The following HSD11B1 variants were observed in gnomAD, a reference collection of about 807,000 sequenced individuals.
HSD11B1 encodes the protein 11-beta-hydroxysteroid dehydrogenase 1.
HSD11B1 carries 15 observed loss-of-function variants against 22.1 expected under a neutral mutation model. The observed-to-expected ratio is 0.68, with a 90% CI of 0.45 to 1.04. The LOEUF (loss-of-function observed/expected upper bound fraction) is 1.04. Ranked by LOEUF, HSD11B1 falls within the 50% of genes least tolerant of loss-of-function variation. The pLI is 0.00. For missense variants in HSD11B1, 281 were observed against 357.6 expected (o/e 0.79, Z 1.73); for synonymous variants, 122 against 125.2 (o/e 0.97, Z 0.17).
Position 209,719,085 on chromosome 1 carries a change from C to T in HSD11B1, c.517+11957C>T, listed in dbSNP as rs546114082. 5.1e-4 allele frequency among the ~76,000 whole-genome samples: 77 copies of T among 150,302 alleles called. 1 individual carries two copies. Among genetic ancestry groups the T allele is most frequent in the African/African-American group, 1.8e-3 (74 of 40,918 alleles). On this transcript the variant is annotated intron_variant, in intron 4 of 5. Coordinates refer to ENST00000367027, the MANE Select transcript of HSD11B1 (RefSeq NM_005525.4). ...GGTCTCAAAGAGCTACTTGTATATC[C>T]ATGTTCACAGGAACAGTATTTGTAA...
chr1:209,699,143 C>T (rs1025018849), intron 1 of HSD11B1, among the ~76,000 whole-genome samples: 3 of 148,844 alleles, frequency 2.0e-5, no homozygotes, highest in African/African-American at 7.5e-5. Flanking sequence ...TGTTACTGGA[C>T]AAAATTGCAT....
At chr1:209,726,458 T>C (rs2077003248) in intron 4 of HSD11B1, among the ~76,000 whole-genome samples, 1 of 151,870 alleles carries the variant, frequency 6.6e-6, no homozygotes, top group South Asian at 2.1e-4. Flanking sequence ...AAAAATAAAT[T>C]AGCCAAGCAC....
At chr1:209,695,669 G>T (rs912645724) in intron 1 of HSD11B1, among the ~76,000 whole-genome samples, 2 of 152,098 alleles carry the variant, frequency 1.3e-5, no homozygotes, top group African/African-American at 4.8e-5. Context: ...TTAGCTGGGT[G>T]TGGTGGTGCA....
At position 209,728,276 on chromosome 1, in the gene HSD11B1, T is replaced by C. The variant is rs920406227; in HGVS notation, c.518-4160T>C. On this transcript the variant is annotated intron_variant, in intron 4 of 5. Coordinates refer to ENST00000367027, the MANE Select transcript of HSD11B1 (RefSeq NM_005525.4). ...GAATTTGTTTATTAGAATGGCACTT[T>C]TTTCTCCAAGTAACTAGCTATTTGT... 5.1e-4 allele frequency among the ~76,000 whole-genome samples: 77 copies of C among 152,206 alleles called. 1 individual carries two copies. The highest frequency in any genetic ancestry group is 2.6e-4 in the Admixed American group (4 of 15,274).
chr1:209,695,746 G>A (rs913592628), intron 1 of HSD11B1, among the ~76,000 whole-genome samples: 6 of 152,196 alleles, frequency 3.9e-5, no homozygotes, highest in African/African-American at 7.2e-5. Context: ...GGTGGAGGTT[G>A]TGGTGAGCCA....
At chr1:209,695,979 A>G (rs2076788940) in intron 1 of HSD11B1, among the ~76,000 whole-genome samples, 3 of 152,210 alleles carry the variant, frequency 2.0e-5, no homozygotes, top group Non-Finnish European at 2.9e-5. Context: ...AATGTCTGTG[A>G]ACTGGTGAAT....
chr1:209,726,204 C>G (rs113679065), intron 4 of HSD11B1, among the ~76,000 whole-genome samples: 3 of 137,860 alleles, frequency 2.2e-5, no homozygotes, highest in African/African-American at 8.3e-5. Flanking sequence ...TCACTTGAAC[C>G]CGGGAGGCGT....
chr1:209,690,151 T>C (rs1436810059), intron 1 of HSD11B1, among the ~76,000 whole-genome samples: 3 of 151,770 alleles, frequency 2.0e-5, no homozygotes, highest in African/African-American at 7.3e-5. Flanking sequence ...CCCCAGTCTC[T>C]ACAAATAAAA....
intron 4 of HSD11B1, among the ~76,000 whole-genome samples, chr1:209,714,869 G>A (rs1339199644): frequency 6.6e-6 from 1 of 152,184 alleles, no homozygotes; most frequent in Non-Finnish European, 1.5e-5. Context: ...AGATGAGGAT[G>A]GCATCCTCAC....
At chr1:209,728,623 G>T (rs771393927) in intron 4 of HSD11B1, among the ~76,000 whole-genome samples, 1 of 152,162 alleles carries the variant, frequency 6.6e-6, no homozygotes, top group Non-Finnish European at 1.5e-5. Context: ...TGTAGGGCAG[G>T]CTTCACAGTT....
intron 4 of HSD11B1, among the ~76,000 whole-genome samples, chr1:209,719,515 T>C (rs2076951956): frequency 6.6e-6 from 1 of 152,186 alleles, no homozygotes; most frequent in Non-Finnish European, 1.5e-5. Flanking sequence ...TGGTGATGGT[T>C]GCACAGTAAT....
chr1:209,689,835 T>C (rs1466743764), intron 1 of HSD11B1, among the ~76,000 whole-genome samples: 2 of 152,126 alleles, frequency 1.3e-5, no homozygotes, highest in African/African-American at 2.4e-5. Flanking sequence ...GGGGTTCCTT[T>C]ACAGTAACAC....
chr1:209,728,689 T>A (rs2077018020), intron 4 of HSD11B1, among the ~76,000 whole-genome samples: 1 of 152,222 alleles, frequency 6.6e-6, no homozygotes. Flanking sequence ...CTCTTCCATG[T>A]GTGGCTTCAT....
At chr1:209,708,830 A>G (rs955891617) in intron 4 of HSD11B1, among the ~76,000 whole-genome samples, 18 of 152,294 alleles carry the variant, frequency 1.2e-4, no homozygotes, top group African/African-American at 4.3e-4. Flanking sequence ...GTTTCCCCAT[A>G]TCTCCTACAC....
Position 209,706,953 on chromosome 1 carries a change from C to T in HSD11B1, c.342C>T (p.Asp114=), listed in dbSNP as rs2076863628. The stretch of plus-strand genomic sequence containing the variant: ...AGCCATCTCTTGCAGGAGGACTAGA[C>T]ATGCTCATTCTCAACCACATCACCA... ...AQAGKLMGGL[D]MLILNHITNT... is the part of the protein sequence containing the mutation. Residue 114 remains aspartate, a synonymous_variant, in exon 4 of 6, where the codon GAC becomes GAT. Transcript: ENST00000367027. This position sits in a 1 kb window ranked among gnomAD's most constrained non-coding sequence, Gnocchi z 4.0. 6.2e-7 allele frequency: 1 copy of T among 1,613,870 alleles called. No homozygotes were observed. The highest frequency in any genetic ancestry group is 8.5e-7 in the Non-Finnish European group (1 of 1,179,736).
At chr1:209,692,611 G>GGC (rs1553286715) in intron 1 of HSD11B1, among the ~76,000 whole-genome samples, 41 of 119,182 alleles carry the variant, frequency 3.4e-4, no homozygotes, top group Non-Finnish European at 5.6e-4. Context: ...AAATGGCGGG[G>GGC]GGGGGGGTGG....
Position 209,706,005 on chromosome 1 carries a change from T to C in HSD11B1, c.219+64T>C. 1 of 1,587,766 alleles carries C rather than the reference T, an allele frequency of 6.3e-7. No homozygotes were observed. ...TGCTCAGATGTGTTCTTATATATGC[T>C]CACATATACACAGAAGCTAGCATAT... On this transcript the variant is annotated intron_variant, in intron 2 of 5. Transcript: ENST00000367027. The surrounding 1 kb of genome is among the most constrained non-coding windows in gnomAD (Gnocchi z 4.0).
At chr1:209,718,193 A>C (rs536014872) in intron 4 of HSD11B1, among the ~76,000 whole-genome samples, 46 of 152,328 alleles carry the variant, frequency 3.0e-4, no homozygotes, top group African/African-American at 1.1e-3. Flanking sequence ...GAGTGACTAT[A>C]GTTAGTAACT....
At chr1:209,730,262 A>G (rs2077027498) in intron 4 of HSD11B1, among the ~76,000 whole-genome samples, 1 of 152,238 alleles carries the variant, frequency 6.6e-6, no homozygotes, top group African/African-American at 2.4e-5. Flanking sequence ...GTGGACTTAC[A>G]TGACGTCTTC....
Sources: allele counts gnomAD v4.1 joint callset (sites outside exome capture counted in the v4.1 genomes callset), GRCh38; gene constraint gnomAD v4.1.1; non-coding constraint Gnocchi (gnomAD v3.1); transcripts MANE v1.5; gene names NCBI Gene and HGNC (gene_info 2026-07-23, HGNC 2026-07-21).